Variants in ZNF773 observed in about 807,000 individuals in gnomAD.
ZNF773 encodes zinc finger protein 419B.
A neutral mutation model predicts 12.8 loss-of-function variants in ZNF773; 11 were observed. The observed-to-expected ratio is 0.86, with a 90% confidence interval of 0.54 to 1.42. ZNF773 has a LOEUF of 1.42. Among genes scored for constraint, ZNF773 ranks in the 40% most tolerant of loss-of-function variants. ZNF773 has a pLI of 0.00. For missense variants in ZNF773, 518 were observed against 527.2 expected, an observed-to-expected ratio of 0.98 and a Z score of 0.17; for synonymous variants, 175 against 178.4, an observed-to-expected ratio of 0.98 and a Z score of 0.15.
At chr19:57,511,800 G>A (rs2089798217), downstream of ZNF773, among the ~76,000 whole-genome samples, 1 of 151,616 alleles carries the variant, frequency 6.6e-6, no homozygotes. Context: ...AATCAATTAT[G>A]GTATATCCTT....
chr19:57,504,684 G>A lies in ZNF773; in HGVS notation c.61G>A (p.Ala21Thr). 1 of 1,614,032 alleles carries A rather than the reference G, an allele frequency of 6.2e-7. No homozygotes were observed. The highest frequency in any genetic ancestry group is 1.1e-5 in the South Asian group (1 of 91,074). The change falls in exon 2 of 4, where the codon GCT becomes ACT. Residue 21 changes from alanine to threonine, a missense_variant. Transcript: ENST00000282292. ...QQGYVTFEDV[A>T]VYFSQEEWRL... Reference sequence around the variant, plus strand: ...GGGCTATGTGACCTTTGAGGACGTGGCTGTCTACTTCTCCCAGGAGGAATG... The same window carrying A: ...GGGCTATGTGACCTTTGAGGACGTGACTGTCTACTTCTCCCAGGAGGAATG...
chr19:57,511,041 AT>A (rs1326645710), downstream of ZNF773, among the ~76,000 whole-genome samples: 11 of 145,440 alleles, frequency 7.6e-5, no homozygotes, highest in African/African-American at 2.5e-4. Context: ...TATTTATTTT[AT>A]TTTATTTTAT....
At position 57,504,695 on chromosome 19, in the gene ZNF773, C is replaced by T; in HGVS notation, c.72C>T (p.Phe24=). 6.2e-7 allele frequency: 1 copy of T among 1,614,056 alleles called. No individual in the cohort carries two copies. The highest frequency in any genetic ancestry group is 8.5e-7 in the Non-Finnish European group (1 of 1,180,002). Residue 24 remains phenylalanine (F), a synonymous_variant, in exon 2 of 4, where the codon TTC becomes TTT. Transcript: ENST00000282292. ...CCTTTGAGGACGTGGCTGTCTACTT[C>T]TCCCAGGAGGAATGGAGATTGCTTG... ...YVTFEDVAVY[F]SQEEWRLLDD...
At chr19:57,511,151 T>G (rs1045599151), downstream of ZNF773, among the ~76,000 whole-genome samples, 32 of 151,738 alleles carry the variant, frequency 2.1e-4, no homozygotes, top group African/African-American at 7.5e-4. Context: ...CTGGGATTCA[T>G]GCCATTCTCC....
At chr19:57,511,883 G>C (rs2123282737), downstream of ZNF773, among the ~76,000 whole-genome samples, 1 of 152,160 alleles carries the variant, frequency 6.6e-6, no homozygotes, top group East Asian at 1.9e-4. Flanking sequence ...AAAAAGCCCT[G>C]AGCTGAGTGG....
downstream of ZNF773, among the ~76,000 whole-genome samples, chr19:57,511,752 C>T (rs1391243463): frequency 1.3e-5 from 2 of 151,666 alleles, no homozygotes; most frequent in African/African-American, 2.4e-5. Flanking sequence ...CACATACACA[C>T]ACTCAAAACT....
At position 57,500,219 on chromosome 19, in the gene ZNF773, C is replaced by T; in HGVS notation, c.33+106C>T. 4 of 1,400,652 alleles carry T rather than the reference C, an allele frequency of 2.9e-6. No individual in the cohort carries two copies. The South Asian group carries it at 5.9e-5, about 20-fold the overall frequency. 86.8% of individuals were successfully genotyped at this position (1,400,652 alleles called of 1,614,324 possible). A position where few individuals can be genotyped will look rare whatever the true frequency, so the allele number is the denominator to read the frequency against. On this transcript the variant is annotated intron_variant, in intron 1 of 3. Transcript: ENST00000282292. ...TGTGGGGCGTTCGTGGGCGGCGTCC[C>T]GTTTCTGACACGCAGTGTGATGGGG...
chr19:57,504,662 C>T lies in ZNF773; in HGVS notation c.39C>T (p.Gly13=), dbSNP rs757332324. ...CTCAACTCTGTCCATCTTAGCAGGG[C>T]TATGTGACCTTTGAGGACGTGGCTG... is the stretch of plus-strand genomic sequence containing the variant. ...AATLRDPAQQ[G]YVTFEDVAVY... The change falls in exon 2 of 4, where the codon GGC becomes GGT. Residue 13 remains glycine, a synonymous_variant. Transcript: ENST00000282292. 1 of 1,614,068 alleles carries T rather than the reference C, an allele frequency of 6.2e-7. No individual in the cohort carries two copies. Among genetic ancestry groups the T allele is most frequent in the Admixed American group, 1.7e-5 (1 of 60,012 alleles).
At chr19:57,502,242 C>T (rs531783584) in intron 1 of ZNF773, among the ~76,000 whole-genome samples, 1 of 152,198 alleles carries the variant, frequency 6.6e-6, no homozygotes, top group East Asian at 1.9e-4. Flanking sequence ...ACGCCTGGCC[C>T]AGATTATATG....
chr19:57,502,376 CA>C (rs1284509544), intron 1 of ZNF773, among the ~76,000 whole-genome samples: 4 of 152,264 alleles, frequency 2.6e-5, no homozygotes, highest in Non-Finnish European at 4.4e-5. Context: ...CTTAGATCTC[CA>C]TTATGACTGG....
In ZNF773 at chr19:57,506,892, A is replaced by G; in HGVS notation, c.797A>G (p.Gln266Arg). 1.2e-6 allele frequency: 2 copies of G among 1,614,166 alleles called. No homozygotes were observed. Among genetic ancestry groups the G allele is most frequent in the Non-Finnish European group, 1.7e-6 (2 of 1,180,028 alleles). The change falls in exon 4 of 4, where the codon CAG (glutamine) becomes CGG (arginine). Residue 266 changes from glutamine to arginine, a missense_variant. Physicochemically the swap from Gln to Arg is conservative, Grantham distance 43. Transcript: ENST00000282292. Reference protein sequence around the residue: ...FSRNADLIQHQRVHTGEKPFT... With the variant: ...FSRNADLIQHRRVHTGEKPFT... ...CGTAATGCTGACCTCATTCAACACC[A>G]GAGAGTTCACACTGGAGAAAAGCCT...
chr19:57,512,400 ATT>A (rs747914066), downstream of ZNF773, among the ~76,000 whole-genome samples: 738 of 113,220 alleles, frequency 6.5e-3, 6 homozygotes, highest in African/African-American at 0.023. Context: ...AAGATGCAGT[ATT>A]TTTTTTTTTT....
At chr19:57,512,954 G>A (rs1246799613), downstream of ZNF773, 3 of 1,455,564 alleles carry the variant, frequency 2.1e-6, no homozygotes, top group Non-Finnish European at 2.7e-6. Flanking sequence ...GAAGCAAGGA[G>A]CCCTCTGACC....
At chr19:57,510,351 A>G (rs910854049), downstream of ZNF773, among the ~76,000 whole-genome samples, 2 of 152,220 alleles carry the variant, frequency 1.3e-5, no homozygotes, top group African/African-American at 4.8e-5. Flanking sequence ...TGATACACAC[A>G]GCAAACTAGA....
intron 3 of ZNF773, among the ~76,000 whole-genome samples, chr19:57,505,726 T>C (rs1047378869): frequency 1.3e-5 from 2 of 150,768 alleles, no homozygotes; most frequent in African/African-American, 4.9e-5. Flanking sequence ...TTTTTTTTTT[T>C]TTTTGACAGA....
intron 1 of ZNF773, among the ~76,000 whole-genome samples, chr19:57,502,629 T>G (rs2089682675): frequency 6.6e-6 from 1 of 152,212 alleles, no homozygotes; most frequent in African/African-American, 2.4e-5. Flanking sequence ...GTGTGAGTGC[T>G]GGACCAGAGT....
chr19:57,505,561 A>G (rs1197908004), intron 3 of ZNF773, among the ~76,000 whole-genome samples, 161 bp downstream of exon 3: 2 of 152,110 alleles, frequency 1.3e-5, no homozygotes, highest in Non-Finnish European at 2.9e-5. Flanking sequence ...CTATTCTGAT[A>G]GTTGACCCAG....
intron 1 of ZNF773, among the ~76,000 whole-genome samples, chr19:57,500,630 A>G (rs1054572514): frequency 2.0e-5 from 3 of 152,200 alleles, no homozygotes; most frequent in Non-Finnish European, 4.4e-5. Context: ...ACAGACGGGA[A>G]TTCCTGTTGC....
chr19:57,513,036 C>G, downstream of ZNF773: 1 of 1,565,292 alleles, frequency 6.4e-7, no homozygotes, highest in Non-Finnish European at 8.6e-7. Flanking sequence ...GAACCGACAG[C>G]CACAAGTGGC....
Sources: gnomAD v4.1 joint callset for allele counts (sites outside exome capture counted in the v4.1 genomes callset) on GRCh38, gnomAD v4.1.1 for gene constraint, MANE v1.5 for transcripts, NCBI Gene and HGNC (gene_info 2026-07-23, HGNC 2026-07-21) for gene names.